Variants in MDGA2 observed in about 807,000 individuals in gnomAD.
The protein encoded by MDGA2 is MAM domain-containing glycosylphosphatidylinositol anchor protein 2.
Under a neutral mutation model 117.8 loss-of-function variants are expected in MDGA2, and 40 were observed. That is an observed-to-expected ratio of 0.34 (90% CI 0.26 to 0.44). The LOEUF is 0.44. MDGA2 is among the 20% of genes least tolerant of loss of function. The pLI, the probability that MDGA2 is intolerant of heterozygous loss-of-function variation, is 1.00. For synonymous variants in MDGA2, 452 were observed against 439.0 expected (o/e 1.03, Z -0.37); for missense variants, 1,123 against 1,250.6 (o/e 0.90, Z 1.54).
At chr14:47,258,766 T>C in intron 2 of MDGA2, among the ~76,000 whole-genome samples, 1 of 152,136 alleles carries the variant, frequency 6.6e-6, no homozygotes, top group Non-Finnish European at 1.5e-5. Context: ...ACTTGGAAGA[T>C]CATCACTTGT....
intron 1 of MDGA2, among the ~76,000 whole-genome samples, chr14:47,393,951 G>T (rs1196167620): frequency 6.6e-6 from 1 of 152,064 alleles, no homozygotes; most frequent in Non-Finnish European, 1.5e-5. Flanking sequence ...CTGGAAGTTT[G>T]GGTTGGACAG....
At chr14:46,839,975 G>C (rs1390977052), downstream of MDGA2, 1 of 151,978 alleles carries the variant, frequency 6.6e-6, no homozygotes, top group Non-Finnish European at 1.5e-5. Context: ...TCTTTCTGCA[G>C]ACATTAAGGT....
intron 2 of MDGA2, among the ~76,000 whole-genome samples, chr14:47,220,704 G>C (rs1886266443): frequency 6.6e-6 from 1 of 152,134 alleles, no homozygotes; most frequent in Non-Finnish European, 1.5e-5. Flanking sequence ...GTGACTGATA[G>C]CCAAACTCAA....
chr14:47,604,596 G>T (rs1309029734), intron 1 of MDGA2, among the ~76,000 whole-genome samples: 2 of 148,864 alleles, frequency 1.3e-5, no homozygotes. Flanking sequence ...TCCCAAAAGT[G>T]CTAGGATTAC....
At chr14:46,917,523 T>C (rs1433478435) in intron 10 of MDGA2, among the ~76,000 whole-genome samples, 1 of 152,142 alleles carries the variant, frequency 6.6e-6, no homozygotes, top group Non-Finnish European at 1.5e-5. Flanking sequence ...TATAAAAATA[T>C]GAGGCCGTAT....
chr14:46,903,109 T>TA (rs1161823984), intron 10 of MDGA2, among the ~76,000 whole-genome samples: 2 of 152,222 alleles, frequency 1.3e-5, no homozygotes, highest in Admixed American at 6.5e-5. Flanking sequence ...CTGGCAGGAA[T>TA]CCTTCTCATT....
intron 1 of MDGA2, among the ~76,000 whole-genome samples, chr14:47,624,182 G>C (rs552782748): frequency 1.3e-5 from 2 of 152,310 alleles, no homozygotes; most frequent in South Asian, 4.1e-4. Context: ...TCTAGGCCGG[G>C]TGCGGTAGCT....
intron 2 of MDGA2, among the ~76,000 whole-genome samples, chr14:47,263,889 A>G (rs1887880703): frequency 6.6e-6 from 1 of 152,192 alleles, no homozygotes; most frequent in African/African-American, 2.4e-5. Context: ...CTCTAAGTTC[A>G]AAAACTCCAA....
intron 1 of MDGA2, among the ~76,000 whole-genome samples, chr14:47,464,685 C>G (rs188272112): frequency 3.9e-5 from 6 of 152,060 alleles, no homozygotes; most frequent in Admixed American, 6.6e-5. Context: ...TCAGAGATGA[C>G]ACAAATTGAA....
At chr14:47,492,240 G>T (rs546119180) in intron 1 of MDGA2, among the ~76,000 whole-genome samples, 1 of 152,050 alleles carries the variant, frequency 6.6e-6, no homozygotes, top group African/African-American at 2.4e-5. Flanking sequence ...AACCCAAAGT[G>T]CGTATCAAAT....
At chr14:47,498,973 C>A (rs1894340696) in intron 1 of MDGA2, among the ~76,000 whole-genome samples, 1 of 151,998 alleles carries the variant, frequency 6.6e-6, no homozygotes, top group Non-Finnish European at 1.5e-5. Flanking sequence ...GGGAAGTAGT[C>A]ACTCAATATT....
chr14:46,916,233 A>T (rs1334991235), intron 10 of MDGA2, among the ~76,000 whole-genome samples: 1 of 152,066 alleles, frequency 6.6e-6, no homozygotes, highest in Non-Finnish European at 1.5e-5. Context: ...TACTCCCAAG[A>T]CTTGTTCAAA....
chr14:47,017,236 A>G (rs1218135472), intron 8 of MDGA2, among the ~76,000 whole-genome samples: 1 of 151,532 alleles, frequency 6.6e-6, no homozygotes, highest in African/African-American at 2.4e-5. Context: ...CTAGAAAGGG[A>G]AGCATTGCTC....
At chr14:46,932,342 A>T (rs1884613797) in intron 9 of MDGA2, among the ~76,000 whole-genome samples, 1 of 152,072 alleles carries the variant, frequency 6.6e-6, no homozygotes, top group Non-Finnish European at 1.5e-5. Flanking sequence ...AGTTCACATG[A>T]ATATAATATT....
chr14:47,448,197 C>A (rs1893166533), intron 1 of MDGA2, among the ~76,000 whole-genome samples: 1 of 151,814 alleles, frequency 6.6e-6, no homozygotes, highest in African/African-American at 2.4e-5. Context: ...GTCACCCAGG[C>A]TGGAGGGTAG....
intron 1 of MDGA2, among the ~76,000 whole-genome samples, chr14:47,322,953 C>G (rs1226242615): frequency 6.6e-6 from 1 of 151,812 alleles, no homozygotes; most frequent in Non-Finnish European, 1.5e-5. Context: ...CTCCTTTGGA[C>G]AGCTGCATGG....
intron 8 of MDGA2, among the ~76,000 whole-genome samples, chr14:47,033,089 A>G (rs1171509891): frequency 1.3e-5 from 2 of 152,216 alleles, no homozygotes. Context: ...TCCCTGTCAC[A>G]CTAGAGACAA....
At chr14:47,217,009 G>A (rs17118178) in intron 3 of MDGA2, among the ~76,000 whole-genome samples, 10,488 of 152,120 alleles carry the variant, frequency 0.069, 405 homozygotes, top group African/African-American at 0.068. Context: ...AGGTATCTGA[G>A]TGTGGAAAGC....
rs559451002 is a variant in MDGA2, at chr14:47,621,159, T to C, written c.280+53358A>G. Among the ~76,000 whole-genome samples, 11 of 152,302 alleles carry C rather than the reference T, an allele frequency of 7.2e-5. 2 individuals are homozygous for C. Among genetic ancestry groups the C allele is most frequent in the African/African-American group, 2.4e-4 (10 of 41,566 alleles). On this transcript the variant is annotated intron_variant, in intron 1 of 16. Coordinates refer to ENST00000399232, the MANE Select transcript of MDGA2 (RefSeq NM_001113498.3). ...AACTCCCACCACTCATATTCTTGCA[T>C]ATTAGAACTTGATTTTCCTTTTATT...
Sources: gnomAD v4.1 joint callset for allele counts (sites outside exome capture counted in the v4.1 genomes callset) on GRCh38, gnomAD v4.1.1 for gene constraint, MANE v1.5 for transcripts, NCBI Gene and HGNC (gene_info 2026-07-23, HGNC 2026-07-21) for gene names.